Variants in CAPN9 observed in about 807,000 individuals in gnomAD.
The protein encoded by CAPN9 is calpain 9, also known as calpain-9.
A neutral mutation model predicts 92.8 loss-of-function variants in CAPN9; 81 were observed. The ratio of observed to expected loss-of-function variants is 0.87; its 90% confidence interval spans 0.73 to 1.05. The LOEUF (loss-of-function observed/expected upper bound fraction) is 1.05, where lower values mean the gene tolerates loss of function less well. Ranked by LOEUF, CAPN9 falls within the 50% of genes least tolerant of loss-of-function variation. The pLI, the probability that CAPN9 is intolerant of heterozygous loss-of-function variation, is 0.00. For synonymous variants in CAPN9, 304 were observed against 328.0 expected (o/e 0.93, Z 0.79); for missense variants, 848 against 866.2 (o/e 0.98, Z 0.26).
At chr1:230,798,786 G>A (rs1668507601) in intron 19 of CAPN9, among the ~76,000 whole-genome samples, 1 of 152,196 alleles carries the variant, frequency 6.6e-6, no homozygotes, top group African/African-American at 2.4e-5. Flanking sequence ...CTGCTCACAG[G>A]GAGGTCCATG....
At chr1:230,768,197 G>C (rs1666134174) in intron 5 of CAPN9, among the ~76,000 whole-genome samples, 1 of 152,094 alleles carries the variant, frequency 6.6e-6, no homozygotes, top group African/African-American at 2.4e-5. Flanking sequence ...TCGTGTCACT[G>C]CTCTCCAGGC....
intron 2 of CAPN9, among the ~76,000 whole-genome samples, chr1:230,756,033 G>A (rs775213834): frequency 1.3e-5 from 2 of 152,158 alleles, no homozygotes; most frequent in Admixed American, 6.5e-5. Flanking sequence ...AACTGGGCTG[G>A]GTTTACCTTT....
intron 13 of CAPN9, among the ~76,000 whole-genome samples, chr1:230,789,173 C>A (rs1667806618): frequency 6.6e-6 from 1 of 152,096 alleles, no homozygotes; most frequent in South Asian, 2.1e-4. Flanking sequence ...TAGCGCAAAA[C>A]CCTGACTAAA....
chr1:230,794,850 C>T (rs570782015), intron 17 of CAPN9, among the ~76,000 whole-genome samples: 121 of 152,278 alleles, frequency 7.9e-4, no homozygotes, highest in Non-Finnish European at 1.2e-3. Context: ...GTAAAGTCAG[C>T]GAGACTCTAT....
chr1:230,772,913 AGGT>A (rs1666484583), intron 7 of CAPN9, among the ~76,000 whole-genome samples: 1 of 152,130 alleles, frequency 6.6e-6, no homozygotes, highest in Non-Finnish European at 1.5e-5. Context: ...GAAGTGGACC[AGGT>A]GACTAAGAAC....
intron 4 of CAPN9, among the ~76,000 whole-genome samples, chr1:230,765,212 G>GACACACACACACACAC (rs56286310): frequency 9.7e-4 from 128 of 132,150 alleles, no homozygotes; most frequent in Non-Finnish European, 1.5e-3. Flanking sequence ...ACACATGCAA[G>GACACACACACACACAC]ACACACACAC....
chr1:230,784,388 A>G (rs1667434979), intron 11 of CAPN9, among the ~76,000 whole-genome samples: 1 of 152,252 alleles, frequency 6.6e-6, no homozygotes, highest in African/African-American at 2.4e-5. Flanking sequence ...CCTTTGCAGC[A>G]GCACCTCCTC....
chr1:230,767,638 G>A lies in CAPN9; in HGVS notation c.634G>A (p.Ala212Thr). ...GVAETFQTKE[A>T]PENFYEILEK... ...GGCAGAGACCTTCCAAACTAAAGAG[G>A]CCCCCGAGAACTTCTATGAGATTCT... The change falls in exon 5 of 20, where the codon GCC becomes ACC. Residue 212 changes from alanine (A) to threonine (T), a missense_variant. By Grantham distance (58) the Ala-to-Thr change is moderately conservative (BLOSUM62 0). Coordinates refer to ENST00000271971, the MANE Select transcript of CAPN9 (RefSeq NM_006615.3). 1 of 1,613,796 alleles carries A rather than the reference G, an allele frequency of 6.2e-7. No individual in the cohort carries two copies. Among genetic ancestry groups the A allele is most frequent in the Non-Finnish European group, 8.5e-7 (1 of 1,179,918 alleles).
chr1:230,786,033 T>C lies in CAPN9; in HGVS notation c.1518+16T>C. The C allele has an allele frequency of 6.2e-7, 1 of 1,613,438 alleles. No individual in the cohort carries two copies. Among genetic ancestry groups the C allele is most frequent in the Admixed American group, 1.7e-5 (1 of 60,024 alleles). On this transcript the variant is annotated intron_variant, in intron 12 of 19. Transcript: ENST00000271971. ...CCTTCCTGAGGTGAGTCTTCTGATG[T>C]TGCTATGGAGTATGGGATTCAGGTG...
At position 230,767,439 on chromosome 1, in the gene CAPN9, G is replaced by T. The variant is rs1666060570; in HGVS notation, c.537-102G>T. 3.1e-6 allele frequency: 3 copies of T among 968,354 alleles called. No individual in the cohort carries two copies. The South Asian group carries it at 5.4e-5, about 17-fold the overall frequency. 60.0% of individuals were successfully genotyped at this position (968,354 alleles called of 1,614,324 possible). On this transcript the variant is annotated intron_variant, in intron 4 of 19. Coordinates refer to ENST00000271971, the MANE Select transcript of CAPN9 (RefSeq NM_006615.3). Reference sequence around the variant, plus strand: ...ACACCACCCAGCCAGGGCAAGCCCTGGGAGATGCTTCAGGCTTAGTTAGAA... The same window carrying T: ...ACACCACCCAGCCAGGGCAAGCCCTTGGAGATGCTTCAGGCTTAGTTAGAA...
chr1:230,754,689 T>G (rs1034085059), intron 1 of CAPN9, among the ~76,000 whole-genome samples: 1 of 150,302 alleles, frequency 6.7e-6, no homozygotes, highest in Non-Finnish European at 1.5e-5. Flanking sequence ...GTGACTCACG[T>G]CTGTAGTCCC....
Position 230,769,226 on chromosome 1 carries a change from T to G in CAPN9, c.752T>G (p.Ile251Ser), listed in dbSNP as rs144186744. The stretch of plus-strand genomic sequence containing the variant: ...GAGGCCCGGACGCCGTTTGGTCTTA[T>G]TAAGGGTCATGCCTACAGTGTAACG... ...ESEARTPFGL[I>S]KGHAYSVTGI... The change falls in exon 6 of 20, where the codon ATT becomes AGT. Residue 251 changes from isoleucine to serine, a missense_variant. Ile to Ser is a moderately radical substitution (Grantham distance 142, BLOSUM62 -2). Coordinates refer to ENST00000271971, the MANE Select transcript of CAPN9 (RefSeq NM_006615.3). 3 of 1,614,186 alleles carry G rather than the reference T, an allele frequency of 1.9e-6. No homozygotes were observed. Among genetic ancestry groups the G allele is most frequent in the Non-Finnish European group, 2.5e-6 (3 of 1,179,996 alleles).
At chr1:230,786,625 A>G (rs529817886) in intron 12 of CAPN9, among the ~76,000 whole-genome samples, 1 of 152,308 alleles carries the variant, frequency 6.6e-6, no homozygotes, top group South Asian at 2.1e-4. Flanking sequence ...GCAAATAAGC[A>G]TGAGAACCTT....
chr1:230,801,345 G>A (rs928393340), intron 19 of CAPN9, among the ~76,000 whole-genome samples: 1 of 152,188 alleles, frequency 6.6e-6, no homozygotes, highest in Non-Finnish European at 1.5e-5. Flanking sequence ...TGCTTGATAT[G>A]AGCTCACTTG....
chr1:230,767,473 A>G (rs1039862957), intron 4 of CAPN9, 68 bp from the exon 5 acceptor site: 12 of 1,342,506 alleles, frequency 8.9e-6, no homozygotes, highest in Middle Eastern at 5.3e-4. Flanking sequence ...AAAAGCTCTG[A>G]AAGCAGGGTG....
intron 18 of CAPN9, among the ~76,000 whole-genome samples, chr1:230,796,577 G>C (rs748805554): frequency 6.6e-6 from 1 of 152,096 alleles, no homozygotes; most frequent in Non-Finnish European, 1.5e-5. Context: ...GAAAATCAGA[G>C]ACAGACCAGC....
At chr1:230,771,842 G>A (rs1433828304) in intron 6 of CAPN9, among the ~76,000 whole-genome samples, 172 bp from the exon 7 acceptor site, 1 of 152,206 alleles carries the variant, frequency 6.6e-6, no homozygotes, top group South Asian at 2.1e-4. Flanking sequence ...AGGTTCCAAG[G>A]GCTGGTTAAG....
chr1:230,800,533 G>A (rs890309085), intron 19 of CAPN9, among the ~76,000 whole-genome samples: 1 of 152,136 alleles, frequency 6.6e-6, no homozygotes, highest in African/African-American at 2.4e-5. Context: ...CAAGGTAGAA[G>A]TGTGGACACC....
chr1:230,780,108 G>A, intron 9 of CAPN9, 71 bp from the exon 10 acceptor site: 3 of 958,136 alleles, frequency 3.1e-6, no homozygotes, highest in Non-Finnish European at 4.8e-6. Flanking sequence ...GTGTGTGTGT[G>A]TGTGTGTGTG....
Sources: gnomAD v4.1 joint callset for allele counts (sites outside exome capture counted in the v4.1 genomes callset) on GRCh38, gnomAD v4.1.1 for gene constraint, MANE v1.5 for transcripts, NCBI Gene and HGNC (gene_info 2026-07-23, HGNC 2026-07-21) for gene names.